Variants in ZP4 observed in about 807,000 individuals in gnomAD.
ZP4 encodes zona pellucida sperm-binding protein 4.
A neutral mutation model predicts 62.3 loss-of-function variants in ZP4; 62 were observed. The observed-to-expected ratio is 0.99, with a 90% CI of 0.81 to 1.23. The LOEUF is 1.23. Ranked by LOEUF, ZP4 falls within the 50% of genes most tolerant of loss-of-function variation. The probability of loss-of-function intolerance (pLI) is 0.00; values close to 1 mark genes in which losing one functional copy is unlikely to be tolerated. For missense variants in ZP4, 774 were observed against 656.0 expected, an observed-to-expected ratio of 1.18 and a Z score of -1.97; for synonymous variants, 289 against 247.3, an observed-to-expected ratio of 1.17 and a Z score of -1.58.
chr1:237,885,701 C>T (rs1459254065), intron 7 of ZP4, 55 bp downstream of exon 7: 1 of 1,604,852 alleles, frequency 6.2e-7, no homozygotes, highest in African/African-American at 1.3e-5. Flanking sequence ...GTCTTCATGC[C>T]CCAGAAGACT....
At chr1:237,886,580 C>T (rs183200487) in intron 6 of ZP4, among the ~76,000 whole-genome samples, 191 bp downstream of exon 6, 2 of 152,214 alleles carry the variant, frequency 1.3e-5, no homozygotes, top group East Asian at 3.9e-4. Context: ...TCCAGGTGAG[C>T]TTGAGGCTTA....
intron 10 of ZP4, among the ~76,000 whole-genome samples, chr1:237,884,029 CACAA>C (rs372282104): frequency 1.9e-3 from 175 of 93,986 alleles, no homozygotes; most frequent in East Asian, 1.0e-2. Flanking sequence ...CACACACACA[CACAA>C]ACACACACAA....
At chr1:237,890,265 G>A (rs930788883) in intron 1 of ZP4, 89 bp from the exon 2 acceptor site, 3 of 1,588,306 alleles carry the variant, frequency 1.9e-6, no homozygotes, top group African/African-American at 1.3e-5. Context: ...ACCCCAAGGA[G>A]CAACTGTCAA....
chr1:237,886,524 G>T (rs1352489516), intron 6 of ZP4, among the ~76,000 whole-genome samples: 1 of 152,170 alleles, frequency 6.6e-6, no homozygotes, highest in Non-Finnish European at 1.5e-5. Flanking sequence ...GTAGAATGGA[G>T]AAGGCCAAAA....
At chr1:237,886,026 G>T in intron 6 of ZP4, 140 bp from the exon 7 acceptor site, 1 of 1,193,920 alleles carries the variant, frequency 8.4e-7, no homozygotes, top group Non-Finnish European at 1.2e-6. Flanking sequence ...CCTGCTGGGA[G>T]CTGTATTTTA....
chr1:237,887,873 G>A (rs1665142877), intron 4 of ZP4, among the ~76,000 whole-genome samples: 1 of 126,624 alleles, frequency 7.9e-6, no homozygotes, highest in Non-Finnish European at 1.6e-5. Context: ...TAAGATCTTG[G>A]AATAGCGTGT....
rs1665087125 is a variant in ZP4, at chr1:237,885,755, C to T, written c.970+1G>A. 2 of 1,613,962 alleles carry T rather than the reference C, an allele frequency of 1.2e-6. No homozygotes were observed. Among genetic ancestry groups the T allele is most frequent in the Non-Finnish European group, 1.7e-6 (2 of 1,179,946 alleles). ...AGATACTCCAGCCAAGGGGGTCATA[C>T]CTTTGGCAATCTGAAGTTCCAGAGT... On this transcript the variant is annotated splice_donor_variant, in intron 7 of 11. Coordinates refer to ENST00000366570, the MANE Select transcript of ZP4 (RefSeq NM_021186.5). LOFTEE classifies it high-confidence loss of function.
intron 1 of ZP4, 76 bp from the exon 2 acceptor site, chr1:237,890,252 T>C (rs1429202801): frequency 6.2e-7 from 1 of 1,604,890 alleles, no homozygotes; most frequent in African/African-American, 1.3e-5. Context: ...GCCTTGCCAT[T>C]AGACCCCAAG....
chr1:237,890,130 G>A lies in ZP4; in HGVS notation c.222C>T (p.Gly74=), dbSNP rs754644115. 6.2e-7 allele frequency: 1 copy of A among 1,614,106 alleles called. No homozygotes were observed. Among genetic ancestry groups the A allele is most frequent in the South Asian group, 1.1e-5 (1 of 91,080 alleles). Residue 74 remains glycine, a synonymous_variant, in exon 2 of 12, where the codon GGC becomes GGT. Transcript: ENST00000366570. The stretch of plus-strand genomic sequence containing the variant: ...TGCCTGGACCTTTTCTTATCCAGGT[G>A]CCACAGTCGGAGTCATTCTGCAGCT... ...LHELQNDSDC[G]TWIRKGPGSS...
chr1:237,888,594 G>T (rs1665165296), intron 3 of ZP4, 84 bp from the exon 4 acceptor site: 5 of 1,327,984 alleles, frequency 3.8e-6, no homozygotes, highest in Non-Finnish European at 5.2e-6. Flanking sequence ...ATTGACTTTG[G>T]ATTCCTGTAG....
chr1:237,889,838 A>G (rs1482500333), intron 3 of ZP4, 29 bp downstream of exon 3: 1 of 867,250 alleles, frequency 1.2e-6, no homozygotes, highest in Non-Finnish European at 1.8e-6. Flanking sequence ...CACCACCCCC[A>G]CAAGACCCTG....
Position 237,890,041 on chromosome 1 carries a change from T to C in ZP4, c.297+14A>G, listed in dbSNP as rs1665203021. 1 of 1,613,986 alleles carries C rather than the reference T, an allele frequency of 6.2e-7. No individual in the cohort carries two copies. The highest frequency in any genetic ancestry group is 1.1e-5 in the South Asian group (1 of 91,086). On this transcript the variant is annotated intron_variant, in intron 2 of 11. Transcript: ENST00000366570. ...CGCTTCACACAGTCTCCCTGGCCAT[T>C]GGGTCATACTCACCCACTCAGTGAC...
intron 10 of ZP4, 112 bp downstream of exon 10, chr1:237,884,657 A>T: frequency 1.1e-6 from 1 of 941,080 alleles, no homozygotes; most frequent in South Asian, 1.7e-5. Context: ...TACTTAGAGA[A>T]GCCTTAGTAA....
At position 237,890,137 on chromosome 1, in the gene ZP4, T is replaced by C. The variant is rs1309304181; in HGVS notation, c.215A>G (p.Asp72Gly). The C allele has an allele frequency of 6.2e-7, 1 of 1,614,064 alleles. No individual in the cohort carries two copies. The change falls in exon 2 of 12, where the codon GAC becomes GGC. Residue 72 changes from aspartate (D) to glycine (G), a missense_variant. By Grantham distance (94) the Asp-to-Gly change is moderately conservative. Coordinates refer to ENST00000366570, the MANE Select transcript of ZP4 (RefSeq NM_021186.5). ...ACCTTTTCTTATCCAGGTGCCACAG[T>C]CGGAGTCATTCTGCAGCTCGTGCAG... ...GLLHELQNDS[D>G]CGTWIRKGPG...
rs1375830570 is a variant in ZP4 at position 237,885,462 on chromosome 1, G to C, written c.1089C>G (p.Leu363=). 2.5e-6 allele frequency: 4 copies of C among 1,614,010 alleles called. No individual in the cohort carries two copies. The East Asian group carries it at 6.7e-5, about 27-fold the overall frequency. Residue 363 remains leucine (L), a synonymous_variant, in exon 8 of 12, where the codon CTC becomes CTG. Coordinates refer to ENST00000366570, the MANE Select transcript of ZP4 (RefSeq NM_021186.5). ...TGGGTGTTGCCCAACACTGTTGTAG[G>C]AGCAGCCCCAGGTAGGGGTCTGTTC... ...LHRTDPYLGL[L]LQQCWATPST...
At chr1:237,887,670 C>T in intron 4 of ZP4, 109 bp from the exon 5 acceptor site, 1 of 1,186,504 alleles carries the variant, frequency 8.4e-7, no homozygotes, top group Non-Finnish European at 1.2e-6. Context: ...AAGCTGGTGA[C>T]AACTTCCCAG....
At position 237,886,760 on chromosome 1, in the gene ZP4, C is replaced by T. The variant is rs1558533196; in HGVS notation, c.839+11G>A. 1.2e-6 allele frequency: 2 copies of T among 1,612,232 alleles called. 1 individual carries two copies. The highest frequency in any genetic ancestry group is 3.3e-5 in the Admixed American group (2 of 59,928). ...ATGGCAGATGGGAAGTCATTCTGGCCAAGCCCTTACCTGAAGATGCTGTCA... is the reference window on the plus strand; with the variant it reads ...ATGGCAGATGGGAAGTCATTCTGGCTAAGCCCTTACCTGAAGATGCTGTCA... On this transcript the variant is annotated intron_variant, in intron 6 of 11. Coordinates refer to ENST00000366570, the MANE Select transcript of ZP4 (RefSeq NM_021186.5).
chr1:237,888,742 CAAG>C (rs1665168869), intron 3 of ZP4, among the ~76,000 whole-genome samples: 1 of 152,160 alleles, frequency 6.6e-6, no homozygotes. Flanking sequence ...TTTTTAAAAA[CAAG>C]AATGTCAACA....
At chr1:237,888,330 G>A in intron 4 of ZP4, 28 bp downstream of exon 4, 3 of 1,519,360 alleles carry the variant, frequency 2.0e-6, no homozygotes, top group Non-Finnish European at 2.7e-6. Flanking sequence ...TTCCTCAGCT[G>A]GTTTCAGAGG....
Sources: allele counts gnomAD v4.1 joint callset (sites outside exome capture counted in the v4.1 genomes callset), GRCh38; gene constraint gnomAD v4.1.1; transcripts MANE v1.5; gene names NCBI Gene and HGNC (gene_info 2026-07-23, HGNC 2026-07-21).